DNAAF11: variants seen among roughly 807,000 people sequenced by gnomAD.
DNAAF11 encodes dynein axonemal assembly factor 11.
Under a neutral mutation model 60.8 loss-of-function variants are expected in DNAAF11, and 45 were observed. That is an observed-to-expected ratio of 0.74 (90% CI 0.58 to 0.95). The LOEUF (loss-of-function observed/expected upper bound fraction) is 0.95, where lower values mean the gene tolerates loss of function less well. Ranked by LOEUF, DNAAF11 falls within the 40% of genes least tolerant of loss-of-function variation. The pLI is 0.00. For missense variants in DNAAF11, 546 were observed against 546.2 expected (o/e 1.00, Z 0.00); for synonymous variants, 191 against 183.5 (o/e 1.04, Z -0.33).
Position 132,651,582 on chromosome 8 carries a change from G to C in DNAAF11, c.256+5248C>G, listed in dbSNP as rs530202239. On this transcript the variant is annotated intron_variant, in intron 3 of 11. Coordinates refer to ENST00000620350, the MANE Select transcript of DNAAF11 (RefSeq NM_012472.6). Reference sequence around the variant, plus strand: ...GACCTGTTCAGGTAAAAGGCAGGAGGGGGGTTGGCCTGCAGTTTGCCAAGC... The same window carrying C: ...GACCTGTTCAGGTAAAAGGCAGGAGCGGGGTTGGCCTGCAGTTTGCCAAGC... 1.3e-3 allele frequency among the ~76,000 whole-genome samples: 201 copies of C among 152,282 alleles called. 1 individual carries two copies. The highest frequency in any genetic ancestry group is 4.8e-3 in the South Asian group (23 of 4,828).
At position 132,661,573 on chromosome 8, in the gene DNAAF11, G is replaced by GA. The variant is rs750425328; in HGVS notation, c.64dup (p.Ser22PhefsTer19). On this transcript the variant is annotated frameshift_variant, in exon 2 of 12. Coordinates refer to ENST00000620350, the MANE Select transcript of DNAAF11 (RefSeq NM_012472.6). LOFTEE classifies it high-confidence loss of function. ...CTGATGCAACGAGAGTTCCTCCAGGGAAAAAATGACACAGTCGTTGTGTTC... is the reference window on the plus strand; with the variant it reads ...CTGATGCAACGAGAGTTCCTCCAGGGAAAAAAATGACACAGTCGTTGTGTTC... 14 of 1,613,764 alleles carry GA rather than the reference G, an allele frequency of 8.7e-6. No homozygotes were observed. The highest frequency in any genetic ancestry group is 4.5e-5 in the East Asian group (2 of 44,880).
intron 2 of DNAAF11, 63 bp from the exon 3 acceptor site, chr8:132,656,970 T>C (rs987543280): frequency 6.9e-6 from 4 of 581,530 alleles, no homozygotes; most frequent in Admixed American, 7.1e-5. Context: ...TTTTATGTAA[T>C]CTATTACTAA....
upstream of DNAAF11, chr8:132,675,591 T>C: frequency 7.6e-7 from 1 of 1,307,798 alleles, no homozygotes; most frequent in South Asian, 1.6e-5. Flanking sequence ...CCCGTCGGAA[T>C]TCAGGAGCCA....
At chr8:132,699,568 A>G in the DNAAF11 span, among the ~76,000 whole-genome samples, 2 of 152,154 alleles carry the variant, frequency 1.3e-5, no homozygotes, top group South Asian at 4.1e-4. Flanking sequence ...CCCTGGAATA[A>G]GTTGCTCCCT....
the DNAAF11 span, chr8:132,684,923 T>A: frequency 6.6e-6 from 1 of 152,190 alleles, no homozygotes; most frequent in Non-Finnish European, 1.5e-5. Context: ...AATGGAGAGT[T>A]CAATCCTTTC....
At position 132,651,208 on chromosome 8, in the gene DNAAF11, G is replaced by C. The variant is rs758585977; in HGVS notation, c.256+5622C>G. Among the ~76,000 whole-genome samples the C allele has an allele frequency of 5.9e-5, 9 of 151,636 alleles. No individual in the cohort carries two copies. In the South Asian group the frequency reaches 1.2e-3, roughly 21 times the overall value. ...ATGGGAAATTCCACCTCTCCTTCCA[G>C]GTTAGGGTAAGGGATGGAAAACAAA... On this transcript the variant is annotated intron_variant, in intron 3 of 11. Coordinates refer to ENST00000620350, the MANE Select transcript of DNAAF11 (RefSeq NM_012472.6).
chr8:132,603,052 G>A (rs1313078429), intron 10 of DNAAF11, among the ~76,000 whole-genome samples: 4 of 151,988 alleles, frequency 2.6e-5, no homozygotes, highest in Admixed American at 2.0e-4. Context: ...TTTTTGGCAG[G>A]CTCTGGACAT....
chr8:132,668,711 G>T (rs910270263), intron 1 of DNAAF11, among the ~76,000 whole-genome samples: 1 of 152,060 alleles, frequency 6.6e-6, no homozygotes, highest in Non-Finnish European at 1.5e-5. Context: ...CAAAGGGCTG[G>T]AATTACAGGC....
At chr8:132,673,716 G>A (rs1825408222) in intron 1 of DNAAF11, among the ~76,000 whole-genome samples, 1 of 151,896 alleles carries the variant, frequency 6.6e-6, no homozygotes, top group African/African-American at 2.4e-5. Flanking sequence ...TGCTTCCTCA[G>A]AGAAGCCTCC....
At chr8:132,631,633 G>C (rs1037972881) in intron 5 of DNAAF11, among the ~76,000 whole-genome samples, 1 of 152,126 alleles carries the variant, frequency 6.6e-6, no homozygotes, top group Non-Finnish European at 1.5e-5. Context: ...CCAGCTTCAG[G>C]ATAGCAGACG....
upstream of DNAAF11, among the ~76,000 whole-genome samples, chr8:132,678,882 G>A (rs1825826008): frequency 6.6e-6 from 1 of 151,900 alleles, no homozygotes; most frequent in South Asian, 2.1e-4. Context: ...ATGTGCCTTG[G>A]ATTTTTCCTG....
chr8:132,593,402 A>C (rs1816685407), intron 10 of DNAAF11, among the ~76,000 whole-genome samples: 1 of 145,920 alleles, frequency 6.9e-6, no homozygotes, highest in Non-Finnish European at 1.5e-5. Context: ...TGAAAATGAC[A>C]AATTGCTGTT....
At chr8:132,667,392 G>A (rs1430310182) in intron 1 of DNAAF11, among the ~76,000 whole-genome samples, 1 of 152,156 alleles carries the variant, frequency 6.6e-6, no homozygotes, top group Non-Finnish European at 1.5e-5. Context: ...GTCAATAAAT[G>A]TCAGTTCCCT....
intron 4 of DNAAF11, among the ~76,000 whole-genome samples, chr8:132,636,636 G>A (rs1050174131): frequency 1.3e-5 from 2 of 152,082 alleles, no homozygotes; most frequent in Non-Finnish European, 2.9e-5. Flanking sequence ...GTGGCCATGA[G>A]GACTCCTGGA....
chr8:132,653,219 T>C (rs983235273), intron 3 of DNAAF11, among the ~76,000 whole-genome samples: 2 of 151,972 alleles, frequency 1.3e-5, no homozygotes, highest in Admixed American at 6.6e-5. Context: ...GATGGATAGA[T>C]GGAAGAAGGA....
chr8:132,637,831 T>C (rs1030796296), intron 4 of DNAAF11, 104 bp downstream of exon 4: 2 of 946,406 alleles, frequency 2.1e-6, no homozygotes, highest in Non-Finnish European at 3.2e-6. Context: ...GAATATTCCA[T>C]TATCTGAAGC....
the DNAAF11 span, among the ~76,000 whole-genome samples, chr8:132,683,377 C>T: frequency 6.6e-6 from 1 of 152,136 alleles, no homozygotes. Context: ...CTAAAGACTC[C>T]CTTTGGCCCC....
Position 132,577,840 on chromosome 8 carries a change from T to C in DNAAF11, c.1227-5360A>G, listed in dbSNP as rs1247018947. Among the ~76,000 whole-genome samples, 5 of 152,032 alleles carry C rather than the reference T, an allele frequency of 3.3e-5. No homozygotes were observed. The East Asian group carries it at 9.6e-4, about 29-fold the overall frequency. On this transcript the variant is annotated intron_variant, in intron 11 of 11. Transcript: ENST00000620350. The stretch of plus-strand genomic sequence containing the variant: ...CCATGCCTGGCTAATTTTTGTATTT[T>C]TTTTTTAGTAGAAATGGGGTTTTGC...
chr8:132,675,649 G>T, upstream of DNAAF11: 1 of 675,892 alleles, frequency 1.5e-6, no homozygotes, highest in South Asian at 2.6e-5. Context: ...AACAAGCCGC[G>T]TTTCCTGAGC....
Sources: allele counts gnomAD v4.1 joint callset (sites outside exome capture counted in the v4.1 genomes callset), GRCh38; gene constraint gnomAD v4.1.1; transcripts MANE v1.5; gene names NCBI Gene and HGNC (gene_info 2026-07-23, HGNC 2026-07-21).